RFFL: variants seen among roughly 807,000 people sequenced by gnomAD.
RFFL encodes E3 ubiquitin-protein ligase rififylin.
RFFL carries 16 observed loss-of-function variants against 40.4 expected under a neutral mutation model. That is an observed-to-expected ratio of 0.40 (90% confidence interval 0.27 to 0.60). The LOEUF (loss-of-function observed/expected upper bound fraction) is 0.60, where lower values mean the gene tolerates loss of function less well. Among genes scored for constraint, RFFL ranks in the 20% least tolerant of loss-of-function variants. RFFL has a pLI of 0.47. For synonymous variants in RFFL, 154 were observed against 167.9 expected, an observed-to-expected ratio of 0.92 and a Z score of 0.64; for missense variants, 367 against 451.7, an observed-to-expected ratio of 0.81 and a Z score of 1.70.
At chr17:35,021,925 G>A (rs569246113) in intron 2 of RFFL, 144 bp from the exon 3 acceptor site, 5 of 777,824 alleles carry the variant, frequency 6.4e-6, no homozygotes, top group South Asian at 5.4e-5. Flanking sequence ...ATATCTAAGG[G>A]TGCAAGCCAC....
chr17:35,013,823 T>C (rs962656268), intron 6 of RFFL, among the ~76,000 whole-genome samples: 3 of 152,180 alleles, frequency 2.0e-5, no homozygotes, highest in Non-Finnish European at 4.4e-5. Context: ...TAGATCAGCC[T>C]GATCTTGGTA....
chr17:35,069,185 A>G, intron 1 of RFFL: 1 of 453,934 alleles, frequency 2.2e-6, no homozygotes, highest in Non-Finnish European at 4.4e-6. Context: ...CTCCTAATAC[A>G]CACACTCACA....
rs753945903 is a variant in RFFL at position 35,006,145 on chromosome 17, AG to A, written c.*5822del. On this transcript the variant is annotated 3_prime_UTR_variant, in exon 7 of 7. Coordinates refer to ENST00000394597, the MANE Select transcript of RFFL (RefSeq NM_001017368.2). ...GAGGCTGATTTATTTGAAGAACAAA[AG>A]GAAGAGAGACAATTTAGTGTAGACA... 15 of 163,382 alleles carry A rather than the reference AG, an allele frequency of 9.2e-5. No individual in the cohort carries two copies. The highest frequency in any genetic ancestry group is 1.7e-4 in the Non-Finnish European group (13 of 74,754). The allele number at this position is 163,382 out of a possible 1,614,324, so 10.1% of individuals were successfully genotyped here.
chr17:35,044,877 T>G (rs1296414945), intron 1 of RFFL, among the ~76,000 whole-genome samples: 1 of 15,126 alleles, frequency 6.6e-5, no homozygotes, highest in Admixed American at 5.8e-4. Flanking sequence ...TCTCATAACA[T>G]TTTTTTTTTT....
chr17:35,043,134 A>G (rs1427224487), intron 1 of RFFL, among the ~76,000 whole-genome samples: 3 of 152,200 alleles, frequency 2.0e-5, no homozygotes, highest in Non-Finnish European at 4.4e-5. Context: ...GTTTAAGAAG[A>G]CAGAACAGTT....
intron 1 of RFFL, among the ~76,000 whole-genome samples, chr17:35,080,946 T>C (rs1176730448): frequency 6.6e-6 from 1 of 152,234 alleles, no homozygotes; most frequent in East Asian, 1.9e-4. Flanking sequence ...ACTGTAGCAT[T>C]GCAGAGCGGC....
chr17:35,067,116 A>AT (rs542174092), upstream of RFFL, among the ~76,000 whole-genome samples: 3,754 of 139,030 alleles, frequency 0.027, 105 homozygotes, highest in East Asian at 0.09. Context: ...CAGAAACTGA[A>AT]TTTTTTTTTT....
chr17:35,006,625 T>C lies in RFFL; in HGVS notation c.*5343A>G, dbSNP rs1417577099. 6.6e-6 allele frequency: 1 copy of C among 152,244 alleles called. No individual in the cohort carries two copies. The highest frequency in any genetic ancestry group is 1.5e-5 in the Non-Finnish European group (1 of 68,078). The allele number at this position is 152,244 out of a possible 1,614,324, so 9.4% of individuals were successfully genotyped here. On this transcript the variant is annotated 3_prime_UTR_variant, in exon 7 of 7. Transcript: ENST00000394597. ...TAACCTATGACTTTAGAACCCTCAG[T>C]TGCAGGTGTGCATGTTCCAGCCAAC...
intron 1 of RFFL, among the ~76,000 whole-genome samples, chr17:35,081,556 G>A (rs2091403158): frequency 6.6e-6 from 1 of 151,954 alleles, no homozygotes; most frequent in Non-Finnish European, 1.5e-5. Context: ...ATAATCTCTG[G>A]GTAAAAGGCC....
rs773552943 is a variant in RFFL at position 35,016,467 on chromosome 17, A to C, written c.789T>G (p.Ala263=). The stretch of plus-strand genomic sequence containing the variant: ...AGCCCTTGTAGTTGACAAAGTTGCG[A>C]GCCAAGATCTCTTTCAGCTGCCGCA... The part of the protein sequence containing the change: ...LTVRQLKEIL[A]RNFVNYKGCC... Residue 263 remains alanine (A), a synonymous_variant, in exon 5 of 7, where the codon GCT becomes GCG. Transcript: ENST00000394597. 1 of 1,614,190 alleles carries C rather than the reference A, an allele frequency of 6.2e-7. No homozygotes were observed. Among genetic ancestry groups the C allele is most frequent in the South Asian group, 1.1e-5 (1 of 91,082 alleles).
At chr17:35,058,068 G>A (rs2091270595) in intron 1 of RFFL, among the ~76,000 whole-genome samples, 1 of 152,072 alleles carries the variant, frequency 6.6e-6, no homozygotes. Context: ...ACACTGTTCT[G>A]ATGATGGGCT....
chr17:35,088,955 C>T (rs1331873310), intron 1 of RFFL: 1 of 152,416 alleles, frequency 6.6e-6, no homozygotes. Context: ...TTCCCCCCAC[C>T]CCTGTAGGGC....
At chr17:35,081,601 T>C (rs2091403341) in intron 1 of RFFL, among the ~76,000 whole-genome samples, 1 of 152,124 alleles carries the variant, frequency 6.6e-6, no homozygotes, top group South Asian at 2.1e-4. Flanking sequence ...AAACAGCCAA[T>C]TATGTGTCTA....
At chr17:35,028,753 A>G (rs2091061072) in intron 1 of RFFL, among the ~76,000 whole-genome samples, 1 of 152,040 alleles carries the variant, frequency 6.6e-6, no homozygotes, top group Non-Finnish European at 1.5e-5. Context: ...TTCATCGAGG[A>G]AAAAAGAATG....
At chr17:35,037,682 C>A (rs2091132399) in intron 1 of RFFL, among the ~76,000 whole-genome samples, 1 of 152,162 alleles carries the variant, frequency 6.6e-6, no homozygotes, top group Non-Finnish European at 1.5e-5. Flanking sequence ...TGTTAAAGGT[C>A]ACAGCTAGAG....
chr17:35,049,848 G>A (rs1472384207), intron 1 of RFFL, among the ~76,000 whole-genome samples: 5 of 151,968 alleles, frequency 3.3e-5, no homozygotes, highest in East Asian at 1.9e-4. Flanking sequence ...TTGGGAGGCC[G>A]AGGTGGACTG....
At chr17:35,054,062 G>A (rs1226617081) in intron 1 of RFFL, among the ~76,000 whole-genome samples, 1 of 152,120 alleles carries the variant, frequency 6.6e-6, no homozygotes, top group Non-Finnish European at 1.5e-5. Context: ...AAGCTAGATT[G>A]GCACCACCCT....
intron 1 of RFFL, among the ~76,000 whole-genome samples, chr17:35,046,962 T>C (rs1222575188): frequency 1.3e-5 from 2 of 152,196 alleles, no homozygotes. Context: ...AGTAAAGTCT[T>C]CTAACAACGC....
chr17:35,028,111 G>GA (rs1445382929), intron 1 of RFFL, among the ~76,000 whole-genome samples: 1 of 151,766 alleles, frequency 6.6e-6, no homozygotes, highest in Admixed American at 6.6e-5. Flanking sequence ...AAGGTGGGAA[G>GA]ATTGCTTGAG....
Sources: gnomAD v4.1 joint callset for allele counts (sites outside exome capture counted in the v4.1 genomes callset) on GRCh38, gnomAD v4.1.1 for gene constraint, MANE v1.5 for transcripts, NCBI Gene and HGNC (gene_info 2026-07-23, HGNC 2026-07-21) for gene names.